The following FUT8 variants were observed in gnomAD, a reference collection of about 807,000 sequenced individuals.
FUT8 encodes fucosyltransferase 8.
In FUT8, 29 loss-of-function variants were observed where a neutral mutation model predicts 71.3. The observed-to-expected ratio is 0.41, with a 90% CI of 0.30 to 0.55. The LOEUF is 0.55. Among genes scored for constraint, FUT8 ranks in the 20% least tolerant of loss-of-function variants. The pLI, the probability that FUT8 is intolerant of heterozygous loss-of-function variation, is 0.34. For missense variants in FUT8, 544 were observed against 702.1 expected, an observed-to-expected ratio of 0.77 and a Z score of 2.55; for synonymous variants, 254 against 239.3, an observed-to-expected ratio of 1.06 and a Z score of -0.57.
intron 3 of FUT8, among the ~76,000 whole-genome samples, chr14:65,604,046 A>G (rs1888443653): frequency 6.6e-6 from 1 of 151,732 alleles, no homozygotes; most frequent in African/African-American, 2.4e-5. Context: ...AAACATATAC[A>G]AGGCCTTGTA....
chr14:65,698,859 A>G (rs2140471344), intron 7 of FUT8, among the ~76,000 whole-genome samples: 1 of 152,316 alleles, frequency 6.6e-6, no homozygotes, highest in African/African-American at 2.4e-5. Context: ...CAAAATGAAT[A>G]GGTTTATGTT....
At chr14:65,581,911 A>G (rs1692534533) in intron 3 of FUT8, among the ~76,000 whole-genome samples, 1 of 152,162 alleles carries the variant, frequency 6.6e-6, no homozygotes, top group African/African-American at 2.4e-5. Flanking sequence ...ATTGTGGTTT[A>G]AGAAAGATAC....
rs2066068065 is a variant in FUT8 at position 65,467,810 on chromosome 14, T to C, written c.-228+12092T>C. On this transcript the variant is annotated intron_variant, in intron 2 of 10. Coordinates refer to ENST00000673929, the MANE Select transcript of FUT8 (RefSeq NM_001371533.1). The surrounding 1 kb of genome is among the most constrained non-coding windows in gnomAD (Gnocchi z 4.1). ...CTTTTATTTTTTTTAACACCTGTTA[T>C]GCTATGAATTCACAGGGAATAGGTT... 6.8e-6 allele frequency: 5 copies of C among 738,990 alleles called. No homozygotes were observed. The highest frequency in any genetic ancestry group is 2.7e-5 in the South Asian group (2 of 73,814). The allele number at this position is 738,990 out of a possible 1,614,324, so 45.8% of individuals were successfully genotyped here.
intron 1 of FUT8, among the ~76,000 whole-genome samples, chr14:65,416,253 A>G (rs1468208105): frequency 6.6e-6 from 1 of 152,180 alleles, no homozygotes; most frequent in African/African-American, 2.4e-5. Flanking sequence ...AAGTTACTTT[A>G]CTAAACATAA....
chr14:65,587,560 T>C (rs2140130789), intron 3 of FUT8, among the ~76,000 whole-genome samples: 1 of 152,352 alleles, frequency 6.6e-6, no homozygotes, highest in Middle Eastern at 3.4e-3. Flanking sequence ...AACGTCTGTA[T>C]AGTACCTGTG....
rs1888400365 is a variant in FUT8 at position 65,603,233 on chromosome 14, G to A, written c.204-12745G>A. Among the ~76,000 whole-genome samples the A allele has an allele frequency of 6.6e-6, 1 of 151,916 alleles. No homozygotes were observed. Among genetic ancestry groups the A allele is most frequent in the African/African-American group, 2.4e-5 (1 of 41,388 alleles). ...CCTGGCATCATTTGTTGCATAGGAT[G>A]TCCTTTCCCCACTTTATGTTTTTGT... On this transcript the variant is annotated intron_variant, in intron 3 of 10. Coordinates refer to ENST00000673929, the MANE Select transcript of FUT8 (RefSeq NM_001371533.1). The surrounding 1 kb of genome is among the most constrained non-coding windows in gnomAD (Gnocchi z 4.5).
At chr14:65,567,778 T>G (rs1463064877) in intron 3 of FUT8, among the ~76,000 whole-genome samples, 2 of 151,944 alleles carry the variant, frequency 1.3e-5, no homozygotes, top group Non-Finnish European at 2.9e-5. Context: ...TAAGCAGATA[T>G]TCTCTCCCTG....
rs1052556020 is a variant in FUT8 at position 65,467,037 on chromosome 14, G to A, written c.-228+11319G>A. On this transcript the variant is annotated intron_variant, in intron 2 of 10. Coordinates refer to ENST00000673929, the MANE Select transcript of FUT8 (RefSeq NM_001371533.1). This position sits in a 1 kb window ranked among gnomAD's most constrained non-coding sequence, Gnocchi z 4.1. ...TGAATTAAGGATCAGAAAAACAAAAGATTTAGTTTTACCTTTATTTTTTTC... is the reference window on the plus strand; with the variant it reads ...TGAATTAAGGATCAGAAAAACAAAAAATTTAGTTTTACCTTTATTTTTTTC... Among the ~76,000 whole-genome samples the A allele has an allele frequency of 2.8e-4, 42 of 152,050 alleles. No individual in the cohort carries two copies. The highest frequency in any genetic ancestry group is 3.3e-4 in the Admixed American group (5 of 15,266).
At chr14:65,447,307 A>G (rs893483843) in intron 1 of FUT8, among the ~76,000 whole-genome samples, 1 of 151,142 alleles carries the variant, frequency 6.6e-6, no homozygotes, top group East Asian at 1.9e-4. Context: ...AAAAAAAAAA[A>G]CCCAAAAGAA....
chr14:65,373,194 A>T, the FUT8 span, among the ~76,000 whole-genome samples: 1 of 151,764 alleles, frequency 6.6e-6, no homozygotes, highest in Non-Finnish European at 1.5e-5. Flanking sequence ...TGATATGGAC[A>T]GGATGCAGGA....
intron 7 of FUT8, among the ~76,000 whole-genome samples, chr14:65,685,464 C>T (rs1288402932): frequency 2.6e-5 from 4 of 152,090 alleles, no homozygotes; most frequent in African/African-American, 9.7e-5. Context: ...AACCCTATTA[C>T]CAGAAAGGGG....
At chr14:65,673,597 C>T (rs941376822) in intron 7 of FUT8, among the ~76,000 whole-genome samples, 2 of 152,156 alleles carry the variant, frequency 1.3e-5, no homozygotes, top group African/African-American at 4.8e-5. Context: ...GTGGGCACAA[C>T]ATGTAAAAAG....
intron 6 of FUT8, among the ~76,000 whole-genome samples, chr14:65,658,947 T>TA (rs1340009764): frequency 2.6e-5 from 4 of 152,148 alleles, no homozygotes; most frequent in Non-Finnish European, 5.9e-5. Flanking sequence ...CTGATTTTGA[T>TA]AAGGTACTAT....
intron 8 of FUT8, 149 bp from the exon 9 acceptor site, chr14:65,723,998 C>G: frequency 2.1e-6 from 1 of 485,668 alleles, no homozygotes; most frequent in Non-Finnish European, 3.6e-6. Flanking sequence ...TTTTAAAATA[C>G]TATGTGTTTT....
chr14:65,696,792 C>A (rs1161989868), intron 7 of FUT8, among the ~76,000 whole-genome samples: 1 of 152,104 alleles, frequency 6.6e-6, no homozygotes, highest in Non-Finnish European at 1.5e-5. Flanking sequence ...GTTCACATAT[C>A]TTTAAGCTGA....
At chr14:65,616,170 A>G (rs370523624) in intron 4 of FUT8, 41 bp from the exon 5 acceptor site, 3 of 1,596,004 alleles carry the variant, frequency 1.9e-6, no homozygotes, top group Non-Finnish European at 2.6e-6. Flanking sequence ...CCTTTTATCA[A>G]AATGTTGGAA....
In FUT8 at chr14:65,638,094, G is replaced by A. The variant is rs557631539; in HGVS notation, c.597+8488G>A. On this transcript the variant is annotated intron_variant, in intron 6 of 10. Transcript: ENST00000673929. The surrounding 1 kb of genome is among the most constrained non-coding windows in gnomAD (Gnocchi z 4.5). ...TCAGTCGTTTCTGAGCAACACCCTG[G>A]CACAAGGTGAAGTTCGTAACCACAT... 2.0e-4 allele frequency among the ~76,000 whole-genome samples: 30 copies of A among 152,210 alleles called. No individual in the cohort carries two copies. The highest frequency in any genetic ancestry group is 5.9e-4 in the Admixed American group (9 of 15,282).
At chr14:65,496,523 A>T (rs1299226992) in intron 2 of FUT8, among the ~76,000 whole-genome samples, 2 of 151,920 alleles carry the variant, frequency 1.3e-5, no homozygotes, top group Non-Finnish European at 2.9e-5. Flanking sequence ...TGCTGTTCTC[A>T]TGTTAGTGAG....
chr14:65,657,035 T>G (rs937672889), intron 6 of FUT8, among the ~76,000 whole-genome samples: 3 of 152,162 alleles, frequency 2.0e-5, no homozygotes, highest in Non-Finnish European at 4.4e-5. Context: ...GACCTCATAC[T>G]ATGAAACTAC....
Sources: gnomAD v4.1 joint callset for allele counts (sites outside exome capture counted in the v4.1 genomes callset) on GRCh38, gnomAD v4.1.1 for gene constraint, Gnocchi (gnomAD v3.1) non-coding constraint, MANE v1.5 for transcripts, NCBI Gene and HGNC (gene_info 2026-07-23, HGNC 2026-07-21) for gene names.